MAP2K1: variants seen among roughly 807,000 people sequenced by gnomAD.
The protein encoded by MAP2K1 is dual specificity mitogen-activated protein kinase kinase 1.
In MAP2K1, 16 loss-of-function variants were observed where a neutral mutation model predicts 46.3. The observed-to-expected ratio is 0.35, with a 90% CI of 0.23 to 0.52. MAP2K1 has a LOEUF of 0.52. Among genes scored for constraint, MAP2K1 ranks in the 20% least tolerant of loss-of-function variants. MAP2K1 has a pLI of 0.94. For missense variants in MAP2K1, 263 were observed against 497.1 expected, an observed-to-expected ratio of 0.53 and a Z score of 4.48; for synonymous variants, 183 against 185.6, an observed-to-expected ratio of 0.99 and a Z score of 0.11.
intron 5 of MAP2K1, among the ~76,000 whole-genome samples, chr15:66,463,665 G>C (rs1484547663): frequency 6.6e-6 from 1 of 152,202 alleles, no homozygotes. Context: ...TGTATTTTTA[G>C]TAGAAATGGG....
At chr15:66,461,385 G>A (rs552711928) in intron 5 of MAP2K1, among the ~76,000 whole-genome samples, 33 of 151,988 alleles carry the variant, frequency 2.2e-4, no homozygotes, top group African/African-American at 6.3e-4. Context: ...GCTTAGGCAC[G>A]AGACTTGTTT....
In MAP2K1 at chr15:66,489,467, C is replaced by G; in HGVS notation, c.1022+191C>G. On this transcript the variant is annotated intron_variant, in intron 9 of 10. Transcript: ENST00000307102. ...ACTTATGTGGCATGTCTAACTACAT[C>G]ATGGATGTAGTAGCTGCTCCTTTTG... is the stretch of plus-strand genomic sequence containing the variant. The G allele has an allele frequency of 4.4e-6, 3 of 680,088 alleles. No individual in the cohort carries two copies. The Admixed American group carries it at 7.0e-5, about 16-fold the overall frequency. 42.1% of individuals were successfully genotyped at this position (680,088 alleles called of 1,614,324 possible).
chr15:66,429,480 T>C (rs1258158566), intron 1 of MAP2K1, among the ~76,000 whole-genome samples: 1 of 152,182 alleles, frequency 6.6e-6, no homozygotes, highest in Non-Finnish European at 1.5e-5. Flanking sequence ...ATATAGTACA[T>C]ACTCTTTTCG....
chr15:66,490,449 TTTG>T, intron 10 of MAP2K1, 50 bp from the exon 11 acceptor site: 1 of 1,323,804 alleles, frequency 7.6e-7, no homozygotes, highest in Non-Finnish European at 1.1e-6. Flanking sequence ...CCTGGTGGGT[TTTG>T]TTTTTTTGTT....
intron 9 of MAP2K1, 90 bp downstream of exon 9, chr15:66,489,366 AGGCAGAGTTTTGCCCT>A (rs1893161404): frequency 2.3e-6 from 3 of 1,282,224 alleles, no homozygotes; most frequent in Non-Finnish European, 3.4e-6. Flanking sequence ...TTGCTTCTGC[AGGCAGAGTTTTGCCCT>A]TTACCCTCCC....
intron 1 of MAP2K1, among the ~76,000 whole-genome samples, chr15:66,416,503 G>A (rs1424916495): frequency 6.6e-6 from 1 of 152,132 alleles, no homozygotes; most frequent in Non-Finnish European, 1.5e-5. Context: ...TATTTTCACA[G>A]CTGTAGGCAT....
intron 6 of MAP2K1, among the ~76,000 whole-genome samples, chr15:66,483,864 C>T (rs1892973221): frequency 6.6e-6 from 1 of 151,278 alleles, no homozygotes; most frequent in African/African-American, 2.4e-5. Context: ...TCTCCTGCCT[C>T]ATCCTCCCGA....
intron 1 of MAP2K1, among the ~76,000 whole-genome samples, chr15:66,422,599 C>T (rs1407648640): frequency 6.6e-6 from 1 of 152,022 alleles, no homozygotes; most frequent in Non-Finnish European, 1.5e-5. Flanking sequence ...AAAAAATGAA[C>T]GTATATGAAC....
At chr15:66,453,600 C>A in intron 5 of MAP2K1, 1 of 702,142 alleles carries the variant, frequency 1.4e-6, no homozygotes, top group East Asian at 2.7e-5. Flanking sequence ...AGAGCAGTCT[C>A]CTTGTCCCTG....
intron 6 of MAP2K1, 136 bp from the exon 7 acceptor site, chr15:66,484,854 A>T: frequency 1.2e-6 from 1 of 814,978 alleles, no homozygotes; most frequent in Admixed American, 1.7e-5. Flanking sequence ...GGTAGGCAGG[A>T]GGCCAAATTC....
chr15:66,448,089 G>A (rs1223554160), intron 5 of MAP2K1, among the ~76,000 whole-genome samples: 4 of 147,096 alleles, frequency 2.7e-5, no homozygotes, highest in Non-Finnish European at 5.9e-5. Context: ...GGAGACGGAG[G>A]TTGCAGTGAG....
chr15:66,455,970 C>A (rs561439501), intron 5 of MAP2K1, among the ~76,000 whole-genome samples: 9 of 152,186 alleles, frequency 5.9e-5, no homozygotes, highest in Admixed American at 1.3e-4. Context: ...GGGTATAGAT[C>A]TGTCACCCCT....
chr15:66,474,574 A>G (rs1892713556), intron 5 of MAP2K1, among the ~76,000 whole-genome samples: 1 of 152,156 alleles, frequency 6.6e-6, no homozygotes, highest in Admixed American at 6.5e-5. Flanking sequence ...GGCTCTTGTG[A>G]AACTTTGGAG....
rs577452515 is a variant in MAP2K1 at position 66,486,605 on chromosome 15, CCT to C, written c.896-618_896-617del. Among the ~76,000 whole-genome samples, 1,265 of 152,326 alleles carry C rather than the reference CCT, an allele frequency of 8.3e-3. 11 individuals carry two copies. The highest frequency in any genetic ancestry group is 0.014 in the Non-Finnish European group (926 of 68,038). On this transcript the variant is annotated intron_variant, in intron 7 of 10. Coordinates refer to ENST00000307102, the MANE Select transcript of MAP2K1 (RefSeq NM_002755.4). ...GATAAACACTGTGCAGTACCACCTG[CCT>C]CTCTGAATGTGAATACTGGGAAGTA...
chr15:66,474,094 G>A (rs1488421798), intron 5 of MAP2K1, among the ~76,000 whole-genome samples: 1 of 152,220 alleles, frequency 6.6e-6, no homozygotes, highest in Non-Finnish European at 1.5e-5. Context: ...TCTGGGTCAG[G>A]GGATGAGCAG....
At chr15:66,435,881 G>A (rs1272331730) in intron 2 of MAP2K1, among the ~76,000 whole-genome samples, 1 of 152,156 alleles carries the variant, frequency 6.6e-6, no homozygotes, top group Non-Finnish European at 1.5e-5. Flanking sequence ...TTGTGCTCCA[G>A]CCCTGCCAGT....
Position 66,490,519 on chromosome 15 carries a change from G to T in MAP2K1, c.1086G>T (p.Lys362Asn), listed in dbSNP as rs1414843735. Reference protein sequence around the residue: ...LKQLMVHAFIKRSDAEEVDFA... With the variant: ...LKQLMVHAFINRSDAEEVDFA... ...ACATGCAGGTTCATGCTTTTATCAA[G>T]AGATCTGATGCTGAGGAAGTGGATT... The change falls in exon 11 of 11, where the codon AAG becomes AAT. Residue 362 changes from lysine to asparagine, a missense_variant. This residue lies in a region of MAP2K1 where 118 missense variants were observed against 193.0 expected (regional missense o/e 0.61). Transcript: ENST00000307102. 1 of 1,613,662 alleles carries T rather than the reference G, an allele frequency of 6.2e-7. No individual in the cohort carries two copies. Among genetic ancestry groups the T allele is most frequent in the African/African-American group, 1.3e-5 (1 of 74,900 alleles).
chr15:66,415,098 A>T (rs1260324931), intron 1 of MAP2K1: 4 of 516,812 alleles, frequency 7.7e-6, no homozygotes, highest in Non-Finnish European at 1.5e-5. Flanking sequence ...ATGCTCCGGT[A>T]GTGCCACTAT....
intron 1 of MAP2K1, among the ~76,000 whole-genome samples, chr15:66,434,007 G>T (rs761207096): frequency 6.6e-6 from 1 of 152,226 alleles, no homozygotes; most frequent in Non-Finnish European, 1.5e-5. Context: ...GCACCCACTG[G>T]CTGAATTATG....
Sources: gnomAD v4.1 joint callset for allele counts (sites outside exome capture counted in the v4.1 genomes callset) on GRCh38, gnomAD v4.1.1 for gene constraint, gnomAD v4.1.1 regional missense constraint, MANE v1.5 for transcripts, NCBI Gene and HGNC (gene_info 2026-07-23, HGNC 2026-07-21) for gene names.